Variants in SPTBN4 observed in about 807,000 individuals in gnomAD.
SPTBN4 encodes spectrin beta, non-erythrocytic 4.
Under a neutral mutation model 277.8 loss-of-function variants are expected in SPTBN4, and 96 were observed. That is an observed-to-expected ratio of 0.35 (90% CI 0.29 to 0.41). The LOEUF (loss-of-function observed/expected upper bound fraction) is 0.41. Ranked by LOEUF, SPTBN4 falls within the 10% of genes least tolerant of loss-of-function variation. The probability of loss-of-function intolerance (pLI) is 1.00; values close to 1 mark genes in which losing one functional copy is unlikely to be tolerated. For missense variants in SPTBN4, 3,006 were observed against 3,595.7 expected (o/e 0.84, Z 4.19); for synonymous variants, 1,481 against 1,580.3 (o/e 0.94, Z 1.49).
chr19:40,546,974 G>T (rs1421848065), intron 20 of SPTBN4, among the ~76,000 whole-genome samples: 1 of 152,144 alleles, frequency 6.6e-6, no homozygotes, highest in Non-Finnish European at 1.5e-5. Context: ...AATTTTTACA[G>T]TTTGTCATTT....
chr19:40,496,989 C>T (rs978710274), intron 6 of SPTBN4, among the ~76,000 whole-genome samples: 1 of 148,702 alleles, frequency 6.7e-6, no homozygotes, highest in African/African-American at 2.5e-5. Flanking sequence ...AGGAGAATTG[C>T]TTGAACCTCG....
At chr19:40,499,415 G>A (rs1317738509) in intron 7 of SPTBN4, among the ~76,000 whole-genome samples, 4 of 151,400 alleles carry the variant, frequency 2.6e-5, no homozygotes, top group Non-Finnish European at 4.4e-5. Flanking sequence ...TTTGAAATGG[G>A]GTCTCACTGT....
chr19:40,568,282 G>C lies in SPTBN4; in HGVS notation c.6956G>C (p.Gly2319Ala). ...CCCATCAGAGGAGACCTGGTCAAGG[G>C]GTGAGGTGCCCGCCTTATGACCAGA... is the stretch of plus-strand genomic sequence containing the variant. Reference protein sequence around the residue: ...EMPIRGDLVKGKATLADIVEQ... With the variant: ...EMPIRGDLVKAKATLADIVEQ... The change falls in exon 31 of 36, where the codon GGG becomes GCG. Residue 2319 changes from glycine (G) to alanine (A), a missense_variant and splice_region_variant. Around this residue, in one of 5 missense-constraint regions of SPTBN4, gnomAD observed 630 missense variants for 677.6 expected, o/e 0.93. Coordinates refer to ENST00000598249, the MANE Select transcript of SPTBN4 (RefSeq NM_020971.3). 1 of 1,601,410 alleles carries C rather than the reference G, an allele frequency of 6.2e-7. No homozygotes were observed. Among genetic ancestry groups the C allele is most frequent in the Middle Eastern group, 1.8e-4 (1 of 5,606 alleles).
rs1051157764 is a variant in SPTBN4 at position 40,467,006 on chromosome 19, G to A, written c.-315G>A. On this transcript the variant is annotated 5_prime_UTR_variant, in exon 1 of 36. Transcript: ENST00000598249. ...AGTGTGCAGCGCGTGACGCCGCCGT[G>A]CCCTCGCGAGTGCAGCCGTGCACCC... Among the ~76,000 whole-genome samples the A allele has an allele frequency of 1.3e-5, 2 of 151,878 alleles. No individual in the cohort carries two copies. Among genetic ancestry groups the A allele is most frequent in the African/African-American group, 4.8e-5 (2 of 41,410 alleles).
intron 2 of SPTBN4, among the ~76,000 whole-genome samples, chr19:40,476,979 G>A (rs2079955982): frequency 6.6e-6 from 1 of 151,626 alleles, no homozygotes; most frequent in African/African-American, 2.4e-5. Context: ...TCATCCTTCT[G>A]AGTAGCTGGG....
At chr19:40,567,548 A>T in intron 30 of SPTBN4, 115 bp from the exon 31 acceptor site, 1 of 1,110,716 alleles carries the variant, frequency 9.0e-7, no homozygotes, top group Non-Finnish European at 1.2e-6. Flanking sequence ...TGCTTTTTCA[A>T]GGAACTGGTC....
At chr19:40,516,267 C>G (rs191166083) in intron 15 of SPTBN4, among the ~76,000 whole-genome samples, 17 of 151,036 alleles carry the variant, frequency 1.1e-4, no homozygotes, top group African/African-American at 4.1e-4. Context: ...TTCCCAATAT[C>G]CCAATTTCCA....
chr19:40,543,954 T>C (rs2080827886), intron 20 of SPTBN4, among the ~76,000 whole-genome samples: 1 of 152,172 alleles, frequency 6.6e-6, no homozygotes, highest in Non-Finnish European at 1.5e-5. Context: ...GGAAATCCCA[T>C]GGGAAAATTA....
In SPTBN4 at chr19:40,567,885, C is replaced by G. The variant is rs1004686866; in HGVS notation, c.6559C>G (p.Arg2187Gly). The change falls in exon 31 of 36, where the codon CGC (arginine) becomes GGC (glycine). Residue 2187 changes from arginine (R) to glycine (G), a missense_variant. Arg to Gly is a moderately radical substitution (Grantham distance 125). Transcript: ENST00000598249. ...GYVRQELKPE[R>G]LQPRIDRLPE... is the part of the protein sequence containing the mutation. ...TGTGCGCCAGGAGCTCAAGCCCGAGCGCCTCCAGCCGCGCATTGACCGGCT... is the reference window on the plus strand; with the variant it reads ...TGTGCGCCAGGAGCTCAAGCCCGAGGGCCTCCAGCCGCGCATTGACCGGCT... The G allele has an allele frequency of 8.2e-5, 125 of 1,522,974 alleles. No individual in the cohort carries two copies. The highest frequency in any genetic ancestry group is 1.1e-4 in the Non-Finnish European group (120 of 1,138,126). The allele number at this position is 1,522,974 out of a possible 1,614,324, so 94.3% of individuals were successfully genotyped here.
Position 40,565,578 on chromosome 19 carries a change from G to C in SPTBN4, c.6054+17G>C, listed in dbSNP as rs2081083342. ...GCTGATGAGGTGGGGAGCAGGGAGG[G>C]GGTCCCCCTCTGCCACCCGGGCACA... On this transcript the variant is annotated intron_variant, in intron 28 of 35. Coordinates refer to ENST00000598249, the MANE Select transcript of SPTBN4 (RefSeq NM_020971.3). The C allele has an allele frequency of 2.5e-6, 4 of 1,611,330 alleles. No individual in the cohort carries two copies. The highest frequency in any genetic ancestry group is 2.5e-6 in the Non-Finnish European group (3 of 1,178,724).
Position 40,523,640 on chromosome 19 carries a change from G to A in SPTBN4, c.3857+1G>A. The A allele has an allele frequency of 6.2e-7, 1 of 1,609,142 alleles. No homozygotes were observed. Among genetic ancestry groups the A allele is most frequent in the Non-Finnish European group, 8.5e-7 (1 of 1,177,146 alleles). On this transcript the variant is annotated splice_donor_variant, in intron 17 of 35. Coordinates refer to ENST00000598249, the MANE Select transcript of SPTBN4 (RefSeq NM_020971.3). LOFTEE classifies it high-confidence loss of function. ...AGGCTGTGACCCGGCTGCTGGAGAA[G>A]TAGGTCCCCTAGACCCATCCACCCC...
chr19:40,565,726 T>C lies in SPTBN4; in HGVS notation c.6120T>C (p.His2040=), dbSNP rs1251402682. ...KEEVSEKWDR[H]WEWLQQMLEV... Reference sequence around the variant, plus strand: ...AGGTGTCGGAAAAGTGGGACCGCCATTGGGAGTGGCTGCAGCAGAGTGAGT... The same window carrying C: ...AGGTGTCGGAAAAGTGGGACCGCCACTGGGAGTGGCTGCAGCAGAGTGAGT... Residue 2040 remains histidine, a synonymous_variant, in exon 29 of 36, where the codon CAT becomes CAC. Coordinates refer to ENST00000598249, the MANE Select transcript of SPTBN4 (RefSeq NM_020971.3). 29 of 1,553,052 alleles carry C rather than the reference T, an allele frequency of 1.9e-5. No individual in the cohort carries two copies. In the East Asian group the frequency reaches 2.2e-4, roughly 12 times the overall value.
chr19:40,488,350 C>T (rs186280014), intron 3 of SPTBN4, among the ~76,000 whole-genome samples: 5 of 151,948 alleles, frequency 3.3e-5, no homozygotes, highest in Non-Finnish European at 1.5e-5. Flanking sequence ...AGACGGTGTC[C>T]TGGGATGTGG....
At position 40,549,393 on chromosome 19, in the gene SPTBN4, C is replaced by T; in HGVS notation, c.4564C>T (p.His1522Tyr). The part of the protein sequence containing the change: ...LASKELHQVA[H>Y]DLDDELAWVQ... ...TTCCAAGGAGTTGCACCAGGTGGCG[C>T]ACGACCTGGACGACGAGCTGGTGAG... is the stretch of plus-strand genomic sequence containing the variant. Residue 1522 changes from histidine to tyrosine, a missense_variant, in exon 21 of 36, where the codon CAC (histidine) becomes TAC (tyrosine). This residue lies in a region of SPTBN4 where 1,759 missense variants were observed against 2,061.5 expected (regional missense o/e 0.85). Coordinates refer to ENST00000598249, the MANE Select transcript of SPTBN4 (RefSeq NM_020971.3). 1 of 1,510,854 alleles carries T rather than the reference C, an allele frequency of 6.6e-7. No homozygotes were observed. The highest frequency in any genetic ancestry group is 8.8e-7 in the Non-Finnish European group (1 of 1,136,064). 93.6% of individuals were successfully genotyped at this position (1,510,854 alleles called of 1,614,324 possible).
intron 2 of SPTBN4, among the ~76,000 whole-genome samples, chr19:40,473,546 G>A (rs1294673202): frequency 2.0e-5 from 3 of 151,000 alleles, no homozygotes; most frequent in East Asian, 1.9e-4. Flanking sequence ...TACTAGAGAC[G>A]GGGTTTCTCC....
At chr19:40,486,614 C>T (rs545639359) in intron 2 of SPTBN4, among the ~76,000 whole-genome samples, 5 of 152,196 alleles carry the variant, frequency 3.3e-5, no homozygotes, top group Non-Finnish European at 4.4e-5. Flanking sequence ...CTCCAGCAAT[C>T]CACCCGCCTT....
In SPTBN4 at chr19:40,567,772, G is replaced by C. The variant is rs763063643; in HGVS notation, c.6446G>C (p.Arg2149Pro). 3.9e-6 allele frequency: 6 copies of C among 1,530,272 alleles called. No individual in the cohort carries two copies. The highest frequency in any genetic ancestry group is 5.3e-6 in the Non-Finnish European group (6 of 1,138,492). 94.8% of individuals were successfully genotyped at this position (1,530,272 alleles called of 1,614,324 possible). Residue 2149 changes from arginine (R) to proline (P), a missense_variant, in exon 31 of 36, where the codon CGG (arginine) becomes CCG (proline). This residue lies in a region of SPTBN4 where 630 missense variants were observed against 677.6 expected (regional missense o/e 0.93). Transcript: ENST00000598249. ...GCGGCCAAGGCGGCGCCCCTGCTGC[G>C]GCCAGGGGGCTATGAAAGGGGCTTG... ...ELAAKAAPLLRPGGYERGLEP... is the reference protein window; with the variant it reads ...ELAAKAAPLLPPGGYERGLEP...
intron 3 of SPTBN4, among the ~76,000 whole-genome samples, chr19:40,488,797 G>T (rs901155719): frequency 6.6e-6 from 1 of 152,042 alleles, no homozygotes; most frequent in African/African-American, 2.4e-5. Flanking sequence ...GCGACAAAGC[G>T]AGACTCTGTT....
rs533963698 is a variant in SPTBN4, at chr19:40,533,948, T to C, written c.4096-132T>C. On this transcript the variant is annotated intron_variant, in intron 19 of 35. Coordinates refer to ENST00000598249, the MANE Select transcript of SPTBN4 (RefSeq NM_020971.3). ...CCCCTCATGTCTCTCTCTCCCTATGTGTCTCCCACTCCCTGCCTCTGATTC... is the reference window on the plus strand; with the variant it reads ...CCCCTCATGTCTCTCTCTCCCTATGCGTCTCCCACTCCCTGCCTCTGATTC... 1.3e-5 allele frequency: 15 copies of C among 1,146,200 alleles called. No homozygotes were observed. In the East Asian group the frequency reaches 3.9e-4, roughly 30 times the overall value. 71.0% of individuals were successfully genotyped at this position (1,146,200 alleles called of 1,614,324 possible). A position where few individuals can be genotyped will look rare whatever the true frequency, so the allele number is the denominator to read the frequency against.
Sources: gnomAD v4.1 joint callset for allele counts (sites outside exome capture counted in the v4.1 genomes callset) on GRCh38, gnomAD v4.1.1 for gene constraint, gnomAD v4.1.1 regional missense constraint, MANE v1.5 for transcripts, NCBI Gene and HGNC (gene_info 2026-07-23, HGNC 2026-07-21) for gene names.